SLC66A2: variants seen among roughly 807,000 people sequenced by gnomAD.
The protein encoded by SLC66A2 is solute carrier family 66 member 2.
A neutral mutation model predicts 25.5 loss-of-function variants in SLC66A2; 23 were observed. The observed-to-expected ratio is 0.90, with a 90% CI of 0.65 to 1.28. The LOEUF (loss-of-function observed/expected upper bound fraction) is 1.28. Among genes scored for constraint, SLC66A2 ranks in the 50% most tolerant of loss-of-function variants. SLC66A2 has a pLI of 0.00. For missense variants in SLC66A2, 396 were observed against 373.1 expected (o/e 1.06, Z -0.51); for synonymous variants, 193 against 166.5 (o/e 1.16, Z -1.23).
In SLC66A2 at chr18:79,934,067, A is replaced by G. The variant is rs900266325; in HGVS notation, c.338-45T>C. 2.0e-6 allele frequency: 3 copies of G among 1,506,948 alleles called. No homozygotes were observed. The Admixed American group carries it at 5.3e-5, about 26-fold the overall frequency. The allele number at this position is 1,506,948 out of a possible 1,614,324, so 93.3% of individuals were successfully genotyped here. On this transcript the variant is annotated intron_variant, in intron 3 of 5. Transcript: ENST00000397778. ...ACAGAAACAGAAAGGGGAAAAAGAC[A>G]GAAACATACTGGTTTTAACATGGGT... is the stretch of plus-strand genomic sequence containing the variant.
rs950014530 is a variant in SLC66A2 at position 79,927,782 on chromosome 18, C to T, written c.391+6187G>A. 1.3e-5 allele frequency among the ~76,000 whole-genome samples: 2 copies of T among 152,188 alleles called. No homozygotes were observed. Among genetic ancestry groups the T allele is most frequent in the Non-Finnish European group, 2.9e-5 (2 of 68,030 alleles). ...CCCGGGAAACAAACACCCTCCCACT[C>T]GGCAAGGACAAATCAAGCAACTGCC... On this transcript the variant is annotated intron_variant, in intron 4 of 5. Transcript: ENST00000397778. This position sits in a 1 kb window ranked among gnomAD's most constrained non-coding sequence, Gnocchi z 6.2.
Position 79,903,841 on chromosome 18 carries a change from G to T in SLC66A2, c.*135C>A. The T allele has an allele frequency of 1.4e-6, 1 of 731,702 alleles. No individual in the cohort carries two copies. Among genetic ancestry groups the T allele is most frequent in the East Asian group, 2.8e-5 (1 of 35,502 alleles). 45.3% of individuals were successfully genotyped at this position (731,702 alleles called of 1,614,324 possible). A position where few individuals can be genotyped will look rare whatever the true frequency, so the allele number is the denominator to read the frequency against. Reference sequence around the variant, plus strand: ...GCCCACCCTGAGACACCCCACAGAGGCTGATGGAGACCCCAATGCCCATGC... The same window carrying T: ...GCCCACCCTGAGACACCCCACAGAGTCTGATGGAGACCCCAATGCCCATGC... On this transcript the variant is annotated 3_prime_UTR_variant, in exon 6 of 6. Transcript: ENST00000397778.
At chr18:79,908,085 T>C (rs1982393702) in intron 5 of SLC66A2, among the ~76,000 whole-genome samples, 1 of 152,108 alleles carries the variant, frequency 6.6e-6, no homozygotes, top group South Asian at 2.1e-4. Flanking sequence ...GTTATATTTT[T>C]TGCTAACTTT....
intron 2 of SLC66A2, chr18:79,943,812 C>T (rs1987931731): frequency 4.2e-6 from 1 of 240,744 alleles, no homozygotes; most frequent in Non-Finnish European, 8.2e-6. Context: ...GAGGGAGGCC[C>T]GCCCATGCCG....
In SLC66A2 at chr18:79,950,805, C is replaced by G. The variant is rs150042611; in HGVS notation, c.122G>C (p.Arg41Pro). Residue 41 changes from arginine (R) to proline (P), a missense_variant, in exon 2 of 6, where the codon CGC becomes CCC. By Grantham distance (103) the Arg-to-Pro change is moderately radical. Coordinates refer to ENST00000397778, the MANE Select transcript of SLC66A2 (RefSeq NM_025078.5). ...VPYVPQYRDI[R>P]RTQNADGFST... ...GAAGCCGTCGGCGTTCTGCGTCCTG[C>G]GAATGTCCCGATACTGCGGGACGTA... 1 of 1,613,066 alleles carries G rather than the reference C, an allele frequency of 6.2e-7. No individual in the cohort carries two copies. Among genetic ancestry groups the G allele is most frequent in the Non-Finnish European group, 8.5e-7 (1 of 1,179,958 alleles).
chr18:79,909,718 G>GACTTTTTCT (rs1568292559), intron 5 of SLC66A2, among the ~76,000 whole-genome samples: 8 of 113,182 alleles, frequency 7.1e-5, no homozygotes, highest in Non-Finnish European at 1.1e-4. Context: ...TCTCACAACA[G>GACTTTTTCT]AGTCCCCAAC....
At chr18:79,938,512 T>C (rs1040983915) in intron 3 of SLC66A2, among the ~76,000 whole-genome samples, 16 of 152,258 alleles carry the variant, frequency 1.1e-4, no homozygotes, top group African/African-American at 2.9e-4. Context: ...GGAAAACATC[T>C]CAGTGGAATG....
intron 5 of SLC66A2, among the ~76,000 whole-genome samples, chr18:79,914,406 C>T (rs1020317578): frequency 6.6e-6 from 1 of 152,226 alleles, no homozygotes; most frequent in East Asian, 1.9e-4. Flanking sequence ...TCAGGCAGAT[C>T]GGAGCACAAA....
At chr18:79,919,470 G>A in intron 4 of SLC66A2, 70 bp from the exon 5 acceptor site, 1 of 1,381,280 alleles carries the variant, frequency 7.2e-7, no homozygotes, top group Admixed American at 1.8e-5. Context: ...TCAGTGGGGA[G>A]AGACGGAACC....
At chr18:79,905,747 A>G (rs139746121) in intron 5 of SLC66A2, among the ~76,000 whole-genome samples, 13 of 152,340 alleles carry the variant, frequency 8.5e-5, no homozygotes, top group African/African-American at 2.6e-4. Context: ...CCTGAGAGCC[A>G]CCACCACGCC....
chr18:79,939,376 T>C (rs1306675047), intron 3 of SLC66A2, among the ~76,000 whole-genome samples: 1 of 152,128 alleles, frequency 6.6e-6, no homozygotes, highest in Admixed American at 6.5e-5. Context: ...GCAAAAGCAA[T>C]AATTGACAAA....
At chr18:79,905,056 G>A (rs571074745) in intron 5 of SLC66A2, among the ~76,000 whole-genome samples, 4 of 152,276 alleles carry the variant, frequency 2.6e-5, no homozygotes, top group Non-Finnish European at 4.4e-5. Flanking sequence ...GCCATGGCCG[G>A]GTGTGTTCAG....
intron 5 of SLC66A2, among the ~76,000 whole-genome samples, chr18:79,914,215 T>C (rs928823309): frequency 6.6e-6 from 1 of 152,134 alleles, no homozygotes; most frequent in Non-Finnish European, 1.5e-5. Context: ...AAAGTCTTGG[T>C]TTTTTGGGTA....
At position 79,918,580 on chromosome 18, in the gene SLC66A2, C is replaced by T. The variant is rs1011864729; in HGVS notation, c.608+604G>A. On this transcript the variant is annotated intron_variant, in intron 5 of 5. Coordinates refer to ENST00000397778, the MANE Select transcript of SLC66A2 (RefSeq NM_025078.5). This position sits in a 1 kb window ranked among gnomAD's most constrained non-coding sequence, Gnocchi z 4.0. ...GAGCAGATCTGTTTTTATTACAATG[C>T]AGTTTCCATCCAGGACCTTGACTGA... is the stretch of plus-strand genomic sequence containing the variant. Among the ~76,000 whole-genome samples the T allele has an allele frequency of 6.6e-6, 1 of 152,236 alleles. No homozygotes were observed. Among genetic ancestry groups the T allele is most frequent in the Non-Finnish European group, 1.5e-5 (1 of 68,040 alleles).
intron 2 of SLC66A2, chr18:79,944,158 G>A (rs1047623181): frequency 6.5e-6 from 1 of 153,132 alleles, no homozygotes; most frequent in Non-Finnish European, 1.5e-5. Flanking sequence ...GTGGCCCTGA[G>A]TCCCCTCCCA....
At chr18:79,950,405 C>T (rs780693043) in intron 2 of SLC66A2, among the ~76,000 whole-genome samples, 10 of 152,164 alleles carry the variant, frequency 6.6e-5, no homozygotes, top group Admixed American at 1.3e-4. Flanking sequence ...AGGGCAGGAA[C>T]GGCTCCTCTC....
chr18:79,912,604 G>A (rs1483357327), intron 5 of SLC66A2, among the ~76,000 whole-genome samples: 1 of 152,190 alleles, frequency 6.6e-6, no homozygotes, highest in Non-Finnish European at 1.5e-5. Context: ...GGGAAGTGGA[G>A]GAGTGGCAGC....
intron 5 of SLC66A2, among the ~76,000 whole-genome samples, chr18:79,916,262 A>AGTGCTCCCATACCCGTG (rs1984128531): frequency 2.3e-5 from 1 of 43,346 alleles, no homozygotes; most frequent in African/African-American, 5.7e-5. Flanking sequence ...TCATAGCCGC[A>AGTGCTCCCATACCCGTG]GTGCTCCCGT....
At chr18:79,928,821 G>A (rs111594937) in intron 4 of SLC66A2, among the ~76,000 whole-genome samples, 3,785 of 152,140 alleles carry the variant, frequency 0.025, 79 homozygotes, top group Non-Finnish European at 0.036. Context: ...CACCCATGGC[G>A]CAGGGGCAGA....
Sources: gnomAD v4.1 joint callset for allele counts (sites outside exome capture counted in the v4.1 genomes callset) on GRCh38, gnomAD v4.1.1 for gene constraint, Gnocchi (gnomAD v3.1) non-coding constraint, MANE v1.5 for transcripts, NCBI Gene and HGNC (gene_info 2026-07-23, HGNC 2026-07-21) for gene names.